The following PRR5 variants were observed in gnomAD, a reference collection of about 807,000 sequenced individuals.
The protein encoded by PRR5 is proline-rich protein 5.
PRR5 carries 25 observed loss-of-function variants against 30.6 expected under a neutral mutation model. The ratio of observed to expected loss-of-function variants is 0.82; its 90% CI spans 0.60 to 1.14. The LOEUF (loss-of-function observed/expected upper bound fraction) is 1.14. PRR5 is among the 50% of genes most tolerant of loss of function. PRR5 has a pLI of 0.00. For synonymous variants in PRR5, 286 were observed against 247.1 expected, an observed-to-expected ratio of 1.16 and a Z score of -1.48; for missense variants, 600 against 547.1, an observed-to-expected ratio of 1.10 and a Z score of -0.96.
At chr22:44,668,920 A>C (rs915867529) in intron 1 of PRR5, 2 of 147,418 alleles carry the variant, frequency 1.4e-5, no homozygotes, top group African/African-American at 5.0e-5. Flanking sequence ...GTGCCGGCGG[A>C]GCGGCGCGCG....
chr22:44,721,182 G>A (rs1200530840), intron 2 of PRR5, among the ~76,000 whole-genome samples: 1 of 152,114 alleles, frequency 6.6e-6, no homozygotes, highest in East Asian at 1.9e-4. Flanking sequence ...ACAAAGCAAG[G>A]AAAGAATTAA....
intron 1 of PRR5, 113 bp from the exon 2 acceptor site, chr22:44,714,478 A>C: frequency 1.4e-6 from 2 of 1,445,122 alleles, no homozygotes; most frequent in Non-Finnish European, 1.9e-6. Flanking sequence ...AGGGTCCTGC[A>C]GGGATGGCTA....
Position 44,735,101 on chromosome 22 carries a change from A to G in PRR5, c.630A>G (p.Pro210=). 1.2e-6 allele frequency: 2 copies of G among 1,612,598 alleles called. No homozygotes were observed. Among genetic ancestry groups the G allele is most frequent in the South Asian group, 2.2e-5 (2 of 91,070 alleles). Residue 210 remains proline, a synonymous_variant, in exon 7 of 8, where the codon CCA becomes CCG. Coordinates refer to ENST00000336985, the MANE Select transcript of PRR5 (RefSeq NM_181333.4). ...CGCTGGTCCAGAAGGTGGTGTCGCCATACCTGGGCACCTACGGCCTCCACT... is the reference window on the plus strand; with the variant it reads ...CGCTGGTCCAGAAGGTGGTGTCGCCGTACCTGGGCACCTACGGCCTCCACT... ...LETLVQKVVS[P]YLGTYGLHSS...
At chr22:44,690,082 G>A (rs75425444) in intron 1 of PRR5, among the ~76,000 whole-genome samples, 3,371 of 152,126 alleles carry the variant, frequency 0.022, 133 homozygotes, top group African/African-American at 0.078. Context: ...GGAGGGAAGC[G>A]GCACCTGAGC....
upstream of PRR5, chr22:44,676,829 C>G (rs1923807668): frequency 6.6e-6 from 1 of 152,294 alleles, no homozygotes; most frequent in African/African-American, 2.4e-5. Context: ...GCTCTGTGGG[C>G]TTGGAGGATG....
At chr22:44,717,189 CTTTT>C (rs57193514) in intron 2 of PRR5, among the ~76,000 whole-genome samples, 1 of 116,752 alleles carries the variant, frequency 8.6e-6, no homozygotes. Flanking sequence ...CCCCCTTACC[CTTTT>C]TTTTTTTTTT....
At chr22:44,702,734 T>C in intron 1 of PRR5, 126 bp downstream of exon 1, 1 of 1,207,996 alleles carries the variant, frequency 8.3e-7, no homozygotes, top group Non-Finnish European at 1.0e-6. Flanking sequence ...CGCTTCACAG[T>C]TTGCAAAGAA....
chr22:44,698,949 C>T (rs1332332329), upstream of PRR5, among the ~76,000 whole-genome samples: 1 of 152,194 alleles, frequency 6.6e-6, no homozygotes, highest in Non-Finnish European at 1.5e-5. Context: ...GCTGTGCCCT[C>T]TCTGCCTGTC....
intron 2 of PRR5, among the ~76,000 whole-genome samples, chr22:44,719,931 AG>A (rs1230332003): frequency 6.6e-6 from 1 of 152,146 alleles, no homozygotes; most frequent in Non-Finnish European, 1.5e-5. Context: ...CCCTTCCCAC[AG>A]CTGTCTCTCT....
chr22:44,724,360 C>T (rs554058253), intron 2 of PRR5, among the ~76,000 whole-genome samples: 32 of 152,196 alleles, frequency 2.1e-4, no homozygotes, highest in African/African-American at 3.6e-4. Flanking sequence ...CGCTTGAACC[C>T]GGGTTCACCG....
chr22:44,689,717 C>T (rs990125833), intron 1 of PRR5, among the ~76,000 whole-genome samples: 1 of 152,198 alleles, frequency 6.6e-6, no homozygotes, highest in African/African-American at 2.4e-5. Context: ...GGCGTGATCT[C>T]GGCTCACTGC....
chr22:44,698,540 A>G (rs913923648), upstream of PRR5, among the ~76,000 whole-genome samples: 1 of 152,146 alleles, frequency 6.6e-6, no homozygotes, highest in East Asian at 1.9e-4. Flanking sequence ...CCCCGCCACA[A>G]TACAATTGCT....
intron 1 of PRR5, among the ~76,000 whole-genome samples, chr22:44,696,568 G>T (rs1925762845): frequency 6.6e-6 from 1 of 152,056 alleles, no homozygotes; most frequent in Non-Finnish European, 1.5e-5. Flanking sequence ...CAAAAGGAGG[G>T]CACGTGTCTT....
intron 1 of PRR5, among the ~76,000 whole-genome samples, chr22:44,686,483 T>C (rs1924764690): frequency 6.6e-6 from 1 of 151,838 alleles, no homozygotes; most frequent in South Asian, 2.1e-4. Context: ...ATTACAGGTA[T>C]GTGCCACCAC....
At chr22:44,682,615 C>T (rs1035648254) in intron 1 of PRR5, among the ~76,000 whole-genome samples, 4 of 152,158 alleles carry the variant, frequency 2.6e-5, no homozygotes, top group African/African-American at 9.7e-5. Flanking sequence ...GATTTGAATC[C>T]GGCACTTAGC....
chr22:44,730,714 C>T (rs1569108203), intron 4 of PRR5: 10 of 963,730 alleles, frequency 1.0e-5, no homozygotes, highest in Non-Finnish European at 1.0e-5. Context: ...CTGCCTGACC[C>T]TCTGCACCCT....
chr22:44,682,750 AG>A (rs1342041099), intron 1 of PRR5, among the ~76,000 whole-genome samples: 1 of 152,210 alleles, frequency 6.6e-6, no homozygotes, highest in Non-Finnish European at 1.5e-5. Context: ...AGAGCTGAGT[AG>A]CTGCTAAGCC....
At chr22:44,693,864 G>A (rs1285319322) in intron 1 of PRR5, among the ~76,000 whole-genome samples, 3 of 143,840 alleles carry the variant, frequency 2.1e-5, no homozygotes, top group Non-Finnish European at 4.5e-5. Context: ...GTATGGTCTC[G>A]ATGATACGCC....
chr22:44,694,370 T>C (rs1283408795), intron 1 of PRR5, among the ~76,000 whole-genome samples: 1 of 152,120 alleles, frequency 6.6e-6, no homozygotes, highest in Non-Finnish European at 1.5e-5. Context: ...AAACCCCATC[T>C]CTACTAAAAA....
Sources: gnomAD v4.1 joint callset for allele counts (sites outside exome capture counted in the v4.1 genomes callset) on GRCh38, gnomAD v4.1.1 for gene constraint, MANE v1.5 for transcripts, NCBI Gene and HGNC (gene_info 2026-07-23, HGNC 2026-07-21) for gene names.